The following STAC3 variants were observed in gnomAD, a reference collection of about 807,000 sequenced individuals.
STAC3 encodes SH3 and cysteine-rich domain-containing protein 3.
Under a neutral mutation model 48.5 loss-of-function variants are expected in STAC3, and 30 were observed. That is an observed-to-expected ratio of 0.62 (90% confidence interval 0.46 to 0.84). STAC3 has a LOEUF of 0.84. Ranked by LOEUF, STAC3 falls within the 40% of genes least tolerant of loss-of-function variation. The pLI is 0.00. For synonymous variants in STAC3, 144 were observed against 158.6 expected, an observed-to-expected ratio of 0.91 and a Z score of 0.69; for missense variants, 419 against 462.6, an observed-to-expected ratio of 0.91 and a Z score of 0.86.
Position 57,247,420 on chromosome 12 carries a change from TTA to T in STAC3, c.506-521_506-520del, listed in dbSNP as rs1491048663. ...GGTTGCCAAATTATTATTATTATTATTATTATTATTTTTTTTTTTTTTTTTTT... is the reference window on the plus strand; with the variant it reads ...GGTTGCCAAATTATTATTATTATTATTTATTATTTTTTTTTTTTTTTTTTT... On this transcript the variant is annotated intron_variant, in intron 5 of 11. Coordinates refer to ENST00000332782, the MANE Select transcript of STAC3 (RefSeq NM_145064.3). 9.1e-4 allele frequency among the ~76,000 whole-genome samples: 40 copies of T among 43,802 alleles called. 1 individual carries two copies. Among genetic ancestry groups the T allele is most frequent in the African/African-American group, 2.3e-3 (25 of 11,086 alleles). The allele number at this position is 43,802 out of a possible 152,430, so 28.7% of individuals were successfully genotyped here. A position where few individuals can be genotyped will look rare whatever the true frequency, so the allele number is the denominator to read the frequency against.
At chr12:57,245,101 C>T in intron 7 of STAC3, 44 bp downstream of exon 7, 1 of 1,611,636 alleles carries the variant, frequency 6.2e-7, no homozygotes, top group Non-Finnish European at 8.5e-7. Flanking sequence ...ACAGCTGAGC[C>T]TCTGATCCTA....
chr12:57,243,884 C>T lies in STAC3; in HGVS notation c.1023G>A (p.Ala341=), dbSNP rs61747067. 1.1e-5 allele frequency: 18 copies of T among 1,613,700 alleles called. No homozygotes were observed. The highest frequency in any genetic ancestry group is 4.5e-5 in the East Asian group (2 of 44,868). ...CGGTGTAGACCTTGACGTAGCCGCC[C>T]GCTTCGTCTCCTTTCTGCACCACGA... is the stretch of plus-strand genomic sequence containing the variant. ...DQIVVQKGDE[A]GGYVKVYTGR... Residue 341 remains alanine, a synonymous_variant, in exon 12 of 12, where the codon GCG becomes GCA. Coordinates refer to ENST00000332782, the MANE Select transcript of STAC3 (RefSeq NM_145064.3).
chr12:57,244,022 C>G (rs549715146), intron 11 of STAC3, 66 bp downstream of exon 11: 106 of 1,611,662 alleles, frequency 6.6e-5, no homozygotes, highest in Non-Finnish European at 8.6e-5. Context: ...AATGGTTAAG[C>G]TCTCCAAGGA....
Position 57,246,817 on chromosome 12 carries a change from GCCTGTC to G in STAC3, c.584_589del (p.Gly195_Gln196del). The G allele has an allele frequency of 6.2e-7, 1 of 1,613,832 alleles. No homozygotes were observed. The highest frequency in any genetic ancestry group is 1.1e-5 in the South Asian group (1 of 91,072). Reference sequence around the variant, plus strand: ...TACAGTGCTCACATTTTTCTTATCTGCCTGTCCCTTCTTCCGTTCCTTGTTTGCCAT... The same window carrying G: ...TACAGTGCTCACATTTTTCTTATCTGCCTTCTTCCGTTCCTTGTTTGCCAT... On this transcript the variant is annotated inframe_deletion, in exon 6 of 12. Transcript: ENST00000332782.
intron 1 of STAC3, 34 bp from the exon 2 acceptor site, chr12:57,249,671 TC>T (rs771024173): frequency 7.0e-5 from 112 of 1,610,344 alleles, no homozygotes; most frequent in Non-Finnish European, 9.1e-5. Context: ...TGAAATCTAA[TC>T]CCTTTCATTC....
At position 57,247,025 on chromosome 12, in the gene STAC3, G is replaced by A. The variant is rs71461318; in HGVS notation, c.506-124C>T. On this transcript the variant is annotated intron_variant, in intron 5 of 11. Transcript: ENST00000332782. ...GTGTGTGTTGGGTGGCGGTGGGGGC[G>A]CCGCGGGGAAGATTAGGGAAGGGTC... The A allele has an allele frequency of 1.7e-4, 145 of 861,084 alleles. No homozygotes were observed. In the African/African-American group the frequency reaches 2.0e-3, roughly 12 times the overall value. 53.3% of individuals were successfully genotyped at this position (861,084 alleles called of 1,614,324 possible).
At position 57,248,119 on chromosome 12, in the gene STAC3, C is replaced by T. The variant is rs776356329; in HGVS notation, c.505+7G>A. 8.7e-6 allele frequency: 14 copies of T among 1,612,134 alleles called. No individual in the cohort carries two copies. The highest frequency in any genetic ancestry group is 1.7e-5 in the Admixed American group (1 of 60,020). On this transcript the variant is annotated splice_region_variant and intron_variant, in intron 5 of 11. Transcript: ENST00000332782. ...CCATTCCCTCATGTTCCATAAAGGG[C>T]ACTTACAGAGATCTTTGACACAAGC...
chr12:57,248,250 A>C (rs1008975271), intron 4 of STAC3, 52 bp from the exon 5 acceptor site: 1 of 1,423,322 alleles, frequency 7.0e-7, no homozygotes, highest in African/African-American at 1.4e-5. Flanking sequence ...AAGGTCCAGA[A>C]GCCTATCTCT....
intron 2 of STAC3, 75 bp downstream of exon 2, chr12:57,249,496 T>A (rs1324152592): frequency 2.5e-6 from 4 of 1,576,980 alleles, no homozygotes; most frequent in Non-Finnish European, 3.5e-6. Context: ...ACAAATGAGA[T>A]CAATTTAAGC....
rs187407788 is a variant in STAC3, at chr12:57,246,889, C to A, written c.518G>T (p.Arg173Leu). The change falls in exon 6 of 12, where the codon CGC (arginine) becomes CTC (leucine). Residue 173 changes from arginine (R) to leucine (L), a missense_variant. By Grantham distance (102) the Arg-to-Leu change is moderately radical. Coordinates refer to ENST00000332782, the MANE Select transcript of STAC3 (RefSeq NM_145064.3). ...CAGGGTTTCAAACACAGGATCATTG[C>A]GATTGGCAGCAGCTAATCGAATGGG... is the stretch of plus-strand genomic sequence containing the variant. ...ACVKDLSAANRNDPVFETLRT... is the reference protein window; with the variant it reads ...ACVKDLSAANLNDPVFETLRT... 2 of 1,613,396 alleles carry A rather than the reference C, an allele frequency of 1.2e-6. No homozygotes were observed. The highest frequency in any genetic ancestry group is 1.7e-6 in the Non-Finnish European group (2 of 1,179,650).
Position 57,244,538 on chromosome 12 carries a change from G to A in STAC3, c.805C>T (p.Pro269Ser), listed in dbSNP as rs748191304. Residue 269 changes from proline (P) to serine (S), a missense_variant and splice_region_variant, in exon 9 of 12, where the codon CCG (proline) becomes TCG (serine). Transcript: ENST00000332782. ...GCCCCCTGCCCCAAGGCCTCTCACG[G>A]GAAATCCAGATCGTCCTTCTCCAGG... is the stretch of plus-strand genomic sequence containing the variant. ...KALEKDDLDFPPGEKITVIDD... is the reference protein window; with the variant it reads ...KALEKDDLDFSPGEKITVIDD... 4 of 1,614,068 alleles carry A rather than the reference G, an allele frequency of 2.5e-6. No homozygotes were observed. In the African/African-American group the frequency reaches 5.3e-5, roughly 22 times the overall value.
intron 5 of STAC3, among the ~76,000 whole-genome samples, chr12:57,247,163 T>C (rs2037760989): frequency 6.6e-6 from 1 of 152,168 alleles, no homozygotes; most frequent in Non-Finnish European, 1.5e-5. Context: ...GAGCATTATA[T>C]GATGTTTGAA....
intron 1 of STAC3, among the ~76,000 whole-genome samples, chr12:57,250,165 G>A (rs1337638929): frequency 6.6e-6 from 1 of 151,784 alleles, no homozygotes; most frequent in Non-Finnish European, 1.5e-5. Context: ...TGAGGCAGGC[G>A]GATCACTAGA....
Position 57,244,573 on chromosome 12 carries a change from C to T in STAC3, c.770G>A (p.Arg257Gln), listed in dbSNP as rs2037686346. Residue 257 changes from arginine to glutamine, a missense_variant, in exon 9 of 12, where the codon CGG (arginine) becomes CAG (glutamine). Coordinates refer to ENST00000332782, the MANE Select transcript of STAC3 (RefSeq NM_145064.3). The part of the protein sequence containing the change: ...QQSHYFVALY[R>Q]FKALEKDDLD... ...ATCGTCCTTCTCCAGGGCTTTGAAC[C>T]GATAGAGAGCCACAAAGTAATGAGA... 6.2e-7 allele frequency: 1 copy of T among 1,614,204 alleles called. No individual in the cohort carries two copies. The highest frequency in any genetic ancestry group is 8.5e-7 in the Non-Finnish European group (1 of 1,180,044).
In STAC3 at chr12:57,244,368, T is replaced by C; in HGVS notation, c.807-2A>G. The stretch of plus-strand genomic sequence containing the variant: ...ATGACTGTGATCTTCTCTCCTGGCC[T>C]GGGAGGGGAAGGGAGGGGCCTCACT... On this transcript the variant is annotated splice_acceptor_variant, in intron 9 of 11. Transcript: ENST00000332782. LOFTEE classifies it high-confidence loss of function. 1.2e-6 allele frequency: 2 copies of C among 1,614,106 alleles called. No individual in the cohort carries two copies. Among genetic ancestry groups the C allele is most frequent in the Non-Finnish European group, 1.7e-6 (2 of 1,180,018 alleles).
chr12:57,247,419 ATTATTATTATTTTTTTTTT>A (rs2037771314), intron 5 of STAC3, among the ~76,000 whole-genome samples: 1 of 88,672 alleles, frequency 1.1e-5, no homozygotes, highest in African/African-American at 4.9e-5. Context: ...TATTATTATT[ATTATTATTATTTTTTTTTT>A]TTTTTTTTTT....
At chr12:57,247,428 A>ATTTTTT (rs367784960) in intron 5 of STAC3, among the ~76,000 whole-genome samples, 8 of 58,526 alleles carry the variant, frequency 1.4e-4, no homozygotes, top group South Asian at 1.1e-3. Context: ...TATTATTATT[A>ATTTTTT]TTTTTTTTTT....
At position 57,248,801 on chromosome 12, in the gene STAC3, T is replaced by C. The variant is rs572373473; in HGVS notation, c.337A>G (p.Asn113Asp). The C allele has an allele frequency of 6.2e-7, 1 of 1,613,866 alleles. No homozygotes were observed. Among genetic ancestry groups the C allele is most frequent in the South Asian group, 1.1e-5 (1 of 91,048 alleles). The change falls in exon 4 of 12, where the codon AAC (asparagine) becomes GAC (aspartate). Residue 113 changes from asparagine to aspartate, a missense_variant and splice_region_variant. Coordinates refer to ENST00000332782, the MANE Select transcript of STAC3 (RefSeq NM_145064.3). ...CDVCARMIVLNNKFGLRCKNC... is the reference protein window; with the variant it reads ...CDVCARMIVLDNKFGLRCKNC... Reference sequence around the variant, plus strand: ...TTACAGCGAAGCCCAAACTTGTTGTTGACTTGGGAAAGGGGGAGAAAATTC... The same window carrying C: ...TTACAGCGAAGCCCAAACTTGTTGTCGACTTGGGAAAGGGGGAGAAAATTC...
chr12:57,249,573 C>G lies in STAC3; in HGVS notation c.64G>C (p.Gly22Arg), dbSNP rs755672550. ...PSFPAETRQS[G>R]LQRLKQLLRK... ...AGTGGTCAGAGGCCCAGACTCACCC[C>G]ACTTTGCCGAGTCTCTGCTGGGAAG... The change falls in exon 2 of 12, where the codon GGG becomes CGG. Residue 22 changes from glycine to arginine, a missense_variant and splice_region_variant. Gly to Arg is a moderately radical substitution (Grantham distance 125, BLOSUM62 -2). Coordinates refer to ENST00000332782, the MANE Select transcript of STAC3 (RefSeq NM_145064.3). 6.8e-6 allele frequency: 11 copies of G among 1,614,074 alleles called. No individual in the cohort carries two copies. The highest frequency in any genetic ancestry group is 7.6e-6 in the Non-Finnish European group (9 of 1,180,020).
Sources: gnomAD v4.1 joint callset for allele counts (sites outside exome capture counted in the v4.1 genomes callset) on GRCh38, gnomAD v4.1.1 for gene constraint, MANE v1.5 for transcripts, NCBI Gene and HGNC (gene_info 2026-07-23, HGNC 2026-07-21) for gene names.